DNAH6: variants seen among roughly 807,000 people sequenced by gnomAD.
DNAH6 encodes dynein axonemal heavy chain 6, also known as axonemal beta dynein heavy chain 6.
A neutral mutation model predicts 491.4 loss-of-function variants in DNAH6; 340 were observed. The observed-to-expected ratio is 0.69, with a 90% CI of 0.63 to 0.76. The LOEUF (loss-of-function observed/expected upper bound fraction) is 0.76, where lower values mean the gene tolerates loss of function less well. DNAH6 is among the 30% of genes least tolerant of loss of function. DNAH6 has a pLI of 0.00. For missense variants in DNAH6, 4,443 were observed against 4,972.2 expected, an observed-to-expected ratio of 0.89 and a Z score of 3.20; for synonymous variants, 1,603 against 1,686.1, an observed-to-expected ratio of 0.95 and a Z score of 1.21.
intron 65 of DNAH6, among the ~76,000 whole-genome samples, chr2:84,782,132 C>T (rs550850492): frequency 1.1e-4 from 17 of 152,158 alleles, no homozygotes; most frequent in Non-Finnish European, 2.1e-4. Flanking sequence ...TGGGCGTGCT[C>T]AGCATTACTC....
At chr2:84,489,401 A>G in the DNAH6 span, among the ~76,000 whole-genome samples, 3 of 152,136 alleles carry the variant, frequency 2.0e-5, no homozygotes, top group African/African-American at 4.8e-5. Flanking sequence ...GATATGTATC[A>G]TATCTTTTAT....
rs1194234737 is a variant in DNAH6, at chr2:84,654,700, G to A, written c.5675G>A (p.Arg1892Gln). 21 of 1,551,010 alleles carry A rather than the reference G, an allele frequency of 1.4e-5. No individual in the cohort carries two copies. The highest frequency in any genetic ancestry group is 2.4e-5 in the East Asian group (1 of 40,928). The change falls in exon 35 of 77, where the codon CGA becomes CAA. Residue 1892 changes from arginine to glutamine, a missense_variant. Arg to Gln is a conservative substitution (Grantham distance 43). Around this residue, in one of 3 missense-constraint regions of DNAH6, gnomAD observed 2,977 missense variants for 3,296.6 expected, o/e 0.90. Transcript: ENST00000389394. Reference protein sequence around the residue: ...LRVASPATVSRCGMVFVDPEE... With the variant: ...LRVASPATVSQCGMVFVDPEE... Reference sequence around the variant, plus strand: ...GTTGCCTCCCCTGCAACAGTCAGTCGATGTGGAATGGTGTTTGTGGATCCT... The same window carrying A: ...GTTGCCTCCCCTGCAACAGTCAGTCAATGTGGAATGGTGTTTGTGGATCCT...
In DNAH6 at chr2:84,557,838, A is replaced by G; in HGVS notation, c.1706A>G (p.Asn569Ser). The change falls in exon 11 of 77, where the codon AAC becomes AGC. Residue 569 changes from asparagine to serine, a missense_variant. Asn to Ser is a conservative substitution (Grantham distance 46). Transcript: ENST00000389394. The stretch of plus-strand genomic sequence containing the variant: ...GATGCTTTCACCAGCCCTTATATTA[A>G]CAACAAACTTGAAGGAAAAACCTGT... ...YFDAFTSPYI[N>S]NKLEGKTCGT... 6.2e-7 allele frequency: 1 copy of G among 1,613,312 alleles called. No individual in the cohort carries two copies. The highest frequency in any genetic ancestry group is 1.1e-5 in the South Asian group (1 of 91,046).
intron 14 of DNAH6, among the ~76,000 whole-genome samples, chr2:84,581,006 A>G (rs1195717307): frequency 3.9e-5 from 6 of 152,190 alleles, no homozygotes; most frequent in Admixed American, 3.9e-4. Context: ...TTACCACAGC[A>G]GCAAACATGG....
At chr2:84,531,354 A>ATTTTTTTTTTTTTTTTT (rs556848790) in intron 4 of DNAH6, among the ~76,000 whole-genome samples, 1 of 6,096 alleles carries the variant, frequency 1.6e-4, no homozygotes, top group Non-Finnish European at 1.4e-3. Context: ...ATTTTTTTTT[A>ATTTTTTTTTTTTTTTTT]TTTTTTTTTT....
chr2:84,558,424 A>C (rs1397133930), intron 11 of DNAH6, among the ~76,000 whole-genome samples: 1 of 143,474 alleles, frequency 7.0e-6, no homozygotes, highest in East Asian at 2.0e-4. Context: ...ACTCCATCTA[A>C]AAAAAAAAAA....
intron 42 of DNAH6, among the ~76,000 whole-genome samples, chr2:84,682,236 C>T (rs745538749): frequency 3.9e-5 from 6 of 152,222 alleles, no homozygotes; most frequent in Non-Finnish European, 5.9e-5. Context: ...TCAGCGGCAC[C>T]TTAACTTACA....
chr2:84,628,704 T>G (rs187896537), intron 29 of DNAH6, among the ~76,000 whole-genome samples: 1 of 152,248 alleles, frequency 6.6e-6, no homozygotes, highest in East Asian at 1.9e-4. Flanking sequence ...TTTGGAGCAG[T>G]GAAGTAACTC....
intron 22 of DNAH6, among the ~76,000 whole-genome samples, chr2:84,615,520 C>A (rs74465000): frequency 6.6e-6 from 1 of 151,782 alleles, no homozygotes; most frequent in Non-Finnish European, 1.5e-5. Flanking sequence ...TATGTGGGCT[C>A]TTTTTTTGGT....
the DNAH6 span, among the ~76,000 whole-genome samples, chr2:84,500,568 A>C: frequency 0.092 from 14,031 of 152,210 alleles, 1,623 homozygotes; most frequent in African/African-American, 0.28. Context: ...TTCTGTGAAG[A>C]ATGTCATTGA....
chr2:84,810,620 C>A (rs1277819793), intron 72 of DNAH6, among the ~76,000 whole-genome samples: 1 of 152,236 alleles, frequency 6.6e-6, no homozygotes, highest in Non-Finnish European at 1.5e-5. Context: ...CCAGCCTCAC[C>A]TTCCCTTCCC....
intron 16 of DNAH6, 44 bp from the exon 17 acceptor site, chr2:84,593,928 A>G (rs766515753): frequency 4.2e-6 from 5 of 1,179,676 alleles, no homozygotes; most frequent in Non-Finnish European, 6.1e-6. Flanking sequence ...TGCTCATTAT[A>G]TCTGAAAACT....
At chr2:84,730,818 A>G (rs1699060370) in intron 61 of DNAH6, among the ~76,000 whole-genome samples, 1 of 152,234 alleles carries the variant, frequency 6.6e-6, no homozygotes, top group African/African-American at 2.4e-5. Flanking sequence ...TGTTTTACAC[A>G]TTATTATTAG....
chr2:84,589,208 G>A lies in DNAH6; in HGVS notation c.2610+254G>A, dbSNP rs1025750618. On this transcript the variant is annotated intron_variant, in intron 16 of 76. Coordinates refer to ENST00000389394, the MANE Select transcript of DNAH6 (RefSeq NM_001370.2). ...TGAATTATGCAAAACTTTCAGACAAGGAACTGTACTTTCTATGTTAAAATG... is the reference window on the plus strand; with the variant it reads ...TGAATTATGCAAAACTTTCAGACAAAGAACTGTACTTTCTATGTTAAAATG... Among the ~76,000 whole-genome samples the A allele has an allele frequency of 6.3e-4, 96 of 152,170 alleles. 1 individual carries two copies. Among genetic ancestry groups the A allele is most frequent in the African/African-American group, 2.2e-3 (92 of 41,448 alleles).
the DNAH6 span, among the ~76,000 whole-genome samples, chr2:84,480,800 T>C: frequency 6.6e-6 from 1 of 152,008 alleles, no homozygotes; most frequent in Admixed American, 6.6e-5. Flanking sequence ...CCGTCTCTAC[T>C]GAAAATACAA....
chr2:84,794,032 A>T (rs1678054076), intron 68 of DNAH6, among the ~76,000 whole-genome samples: 1 of 152,148 alleles, frequency 6.6e-6, no homozygotes, highest in African/African-American at 2.4e-5. Context: ...GCATATCTAC[A>T]ACTATCTGAT....
At chr2:84,685,953 C>T (rs185447672) in intron 43 of DNAH6, among the ~76,000 whole-genome samples, 144 of 152,214 alleles carry the variant, frequency 9.5e-4, no homozygotes, top group African/African-American at 3.4e-3. Flanking sequence ...CTTTGGGAGG[C>T]CAAGGCAAGC....
chr2:84,560,894 A>G (rs527373823), intron 11 of DNAH6, among the ~76,000 whole-genome samples: 1 of 151,560 alleles, frequency 6.6e-6, no homozygotes, highest in African/African-American at 2.4e-5. Context: ...AGTCTTCGCT[A>G]TTGTGAATAG....
At chr2:84,551,578 TACTGCAAAGGGTA>T (rs1679370939) in intron 9 of DNAH6, among the ~76,000 whole-genome samples, 1 of 152,236 alleles carries the variant, frequency 6.6e-6, no homozygotes, top group Admixed American at 6.5e-5. Flanking sequence ...TTTCAAATAA[TACTGCAAAGGGTA>T]TCCTTGTCTA....
Sources: allele counts gnomAD v4.1 joint callset (sites outside exome capture counted in the v4.1 genomes callset), GRCh38; gene constraint gnomAD v4.1.1; regional missense constraint gnomAD v4.1.1; transcripts MANE v1.5; gene names NCBI Gene and HGNC (gene_info 2026-07-23, HGNC 2026-07-21).